The following NTM variants were observed in gnomAD, a reference collection of about 807,000 sequenced individuals.
NTM encodes the protein neurotrimin.
Under a neutral mutation model 42.1 loss-of-function variants are expected in NTM, and 13 were observed. The observed-to-expected ratio is 0.31, with a 90% CI of 0.20 to 0.49. The LOEUF is 0.49. Ranked by LOEUF, NTM falls within the 20% of genes least tolerant of loss-of-function variation. NTM has a pLI of 0.99. For synonymous variants in NTM, 187 were observed against 179.2 expected (o/e 1.04, Z -0.35); for missense variants, 373 against 452.8 (o/e 0.82, Z 1.60).
intron 1 of NTM, among the ~76,000 whole-genome samples, chr11:131,848,271 C>T (rs1321497055): frequency 2.6e-5 from 4 of 152,226 alleles, no homozygotes; most frequent in South Asian, 2.1e-4. Flanking sequence ...AACAATCTAA[C>T]AGCTGTAGAT....
At chr11:132,029,347 C>G (rs1222979243) in intron 2 of NTM, among the ~76,000 whole-genome samples, 3 of 128,024 alleles carry the variant, frequency 2.3e-5, no homozygotes, top group African/African-American at 8.7e-5. Context: ...CCCCTCCCCC[C>G]ACCCCACAAC....
chr11:131,802,480 A>G (rs558509535), intron 1 of NTM, among the ~76,000 whole-genome samples: 3 of 152,286 alleles, frequency 2.0e-5, no homozygotes, highest in African/African-American at 7.2e-5. Flanking sequence ...GGCACATGCC[A>G]CCCATCCCCA....
intron 1 of NTM, among the ~76,000 whole-genome samples, chr11:131,811,414 CCACTACCTCCTCCAA>C (rs2092724579): frequency 6.6e-6 from 1 of 152,174 alleles, no homozygotes; most frequent in Non-Finnish European, 1.5e-5. Flanking sequence ...ATCCCACTGA[CCACTACCTCCTCCAA>C]CAGGCAGGCT....
chr11:131,409,169 A>G (rs1300773445), intron 1 of NTM, among the ~76,000 whole-genome samples: 1 of 152,278 alleles, frequency 6.6e-6, no homozygotes, highest in Non-Finnish European at 1.5e-5. Context: ...AGGCAGGTGT[A>G]CAGCCAAATA....
chr11:132,223,460 C>A (rs751471562), intron 4 of NTM, among the ~76,000 whole-genome samples: 7 of 152,098 alleles, frequency 4.6e-5, no homozygotes, highest in African/African-American at 7.2e-5. Flanking sequence ...GTACTCCTGG[C>A]AGGGTTCACA....
At chr11:132,329,763 T>C (rs1380838727) in intron 7 of NTM, among the ~76,000 whole-genome samples, 2 of 152,260 alleles carry the variant, frequency 1.3e-5, no homozygotes, top group African/African-American at 4.8e-5. Flanking sequence ...AATTAGAGGA[T>C]AGCCTGATGA....
chr11:132,161,068 C>T (rs187225979), intron 3 of NTM, among the ~76,000 whole-genome samples: 11 of 152,292 alleles, frequency 7.2e-5, no homozygotes, highest in African/African-American at 2.4e-4. Context: ...GGGAGCAATG[C>T]AGAGACCAAA....
intron 2 of NTM, among the ~76,000 whole-genome samples, chr11:132,087,486 G>T (rs1448146301): frequency 6.6e-6 from 1 of 152,106 alleles, no homozygotes; most frequent in Non-Finnish European, 1.5e-5. Flanking sequence ...TTGGAATTGA[G>T]TTTGGGACAA....
intron 7 of NTM, among the ~76,000 whole-genome samples, chr11:132,327,829 CCCTT>C (rs202230127): frequency 0.029 from 4,257 of 147,490 alleles, 194 homozygotes; most frequent in African/African-American, 0.096. Flanking sequence ...CTCCCTCCCT[CCCTT>C]CCTTCCTTCC....
chr11:131,665,963 C>T (rs1341638338), intron 1 of NTM, among the ~76,000 whole-genome samples: 2 of 152,208 alleles, frequency 1.3e-5, no homozygotes, highest in Admixed American at 6.5e-5. Flanking sequence ...ACGCATTGCT[C>T]AGTATCCAGT....
At chr11:131,512,423 A>C (rs999218316) in intron 1 of NTM, among the ~76,000 whole-genome samples, 3 of 152,222 alleles carry the variant, frequency 2.0e-5, no homozygotes, top group Non-Finnish European at 4.4e-5. Flanking sequence ...GCTGTCCTCA[A>C]ACCAGAGCCT....
At chr11:131,764,718 A>G (rs2084836085) in intron 1 of NTM, among the ~76,000 whole-genome samples, 1 of 152,184 alleles carries the variant, frequency 6.6e-6, no homozygotes, top group Non-Finnish European at 1.5e-5. Flanking sequence ...ATGCCTGTTG[A>G]CAGCTATGTT....
chr11:131,797,912 G>T (rs1181500213), intron 1 of NTM, among the ~76,000 whole-genome samples: 1 of 151,990 alleles, frequency 6.6e-6, no homozygotes, highest in Admixed American at 6.6e-5. Context: ...TTCCAATTGT[G>T]CACAAGTAGC....
At chr11:131,985,770 G>A (rs373106689) in intron 2 of NTM, among the ~76,000 whole-genome samples, 26 of 152,276 alleles carry the variant, frequency 1.7e-4, no homozygotes, top group East Asian at 1.5e-3. Context: ...AAATGGCATC[G>A]AGTAGGGTGC....
At chr11:131,914,834 G>A (rs557352480) in intron 2 of NTM, among the ~76,000 whole-genome samples, 1 of 152,230 alleles carries the variant, frequency 6.6e-6, no homozygotes, top group East Asian at 1.9e-4. Context: ...TATGTGTTGG[G>A]GAGTATCTAA....
intron 1 of NTM, among the ~76,000 whole-genome samples, chr11:131,724,823 G>A (rs1283979650): frequency 6.6e-6 from 1 of 152,218 alleles, no homozygotes; most frequent in Admixed American, 6.5e-5. Flanking sequence ...GCCTGGGGTG[G>A]GGAGAGCAGC....
At chr11:131,799,183 G>T (rs1373671969) in intron 1 of NTM, among the ~76,000 whole-genome samples, 1 of 152,038 alleles carries the variant, frequency 6.6e-6, no homozygotes. Context: ...AGATAAATAT[G>T]GCCATACATA....
intron 1 of NTM, among the ~76,000 whole-genome samples, chr11:131,686,338 A>T (rs2073869383): frequency 6.6e-6 from 1 of 152,278 alleles, no homozygotes; most frequent in Non-Finnish European, 1.5e-5. Context: ...GTCAATTAAC[A>T]TGGATTTTGC....
At chr11:132,272,361 G>A (rs1313835610) in intron 4 of NTM, among the ~76,000 whole-genome samples, 1 of 152,012 alleles carries the variant, frequency 6.6e-6, no homozygotes, top group African/African-American at 2.4e-5. Context: ...GTTCTTCTAG[G>A]ACCCTTGAAT....
Sources: allele counts gnomAD v4.1 joint callset (sites outside exome capture counted in the v4.1 genomes callset), GRCh38; gene constraint gnomAD v4.1.1; transcripts MANE v1.5; gene names NCBI Gene and HGNC (gene_info 2026-07-23, HGNC 2026-07-21).